The following PDE1C variants were observed in gnomAD, a reference collection of about 807,000 sequenced individuals.
PDE1C encodes the protein phosphodiesterase 1C.
Under a neutral mutation model 93.1 loss-of-function variants are expected in PDE1C, and 62 were observed. That is an observed-to-expected ratio of 0.67 (90% CI 0.54 to 0.82). The LOEUF (loss-of-function observed/expected upper bound fraction) is 0.82, where lower values mean the gene tolerates loss of function less well. PDE1C is among the 40% of genes least tolerant of loss of function. The pLI, the probability that PDE1C is intolerant of heterozygous loss-of-function variation, is 0.00. For synonymous variants in PDE1C, 325 were observed against 310.1 expected (o/e 1.05, Z -0.50); for missense variants, 742 against 884.6 (o/e 0.84, Z 2.04).
chr7:32,010,187 G>T (rs1297583899), intron 2 of PDE1C, among the ~76,000 whole-genome samples: 1 of 152,058 alleles, frequency 6.6e-6, no homozygotes, highest in Non-Finnish European at 1.5e-5. Context: ...GCCTAAAATA[G>T]CCAAATCAAT....
chr7:31,830,159 G>T (rs1320426066), intron 11 of PDE1C, among the ~76,000 whole-genome samples: 1 of 151,318 alleles, frequency 6.6e-6, no homozygotes, highest in African/African-American at 2.4e-5. Context: ...TAAAACAGAG[G>T]TACTTGAATT....
rs563638748 is a variant in PDE1C at position 32,097,953 on chromosome 7, G to A, written c.308+71832C>T. Among the ~76,000 whole-genome samples, 54 of 149,844 alleles carry A rather than the reference G, an allele frequency of 3.6e-4. 1 individual carries two copies. Among genetic ancestry groups the A allele is most frequent in the Admixed American group, 6.6e-4 (10 of 15,222 alleles). ...GCCCTTTAAAGACATAAATCCGGCC[G>A]GGCGCGGTGGCTCACGCCTGTAATC... On this transcript the variant is annotated intron_variant, in intron 3 of 18. Coordinates refer to the PDE1C transcript ENST00000396193.
intron 3 of PDE1C, among the ~76,000 whole-genome samples, chr7:32,103,600 C>T (rs1002030420): frequency 5.3e-5 from 8 of 152,314 alleles, no homozygotes; most frequent in African/African-American, 1.9e-4. Flanking sequence ...CTACAGGAAA[C>T]AGGAAAGCCC....
chr7:31,886,647 T>A (rs888936901), intron 2 of PDE1C, among the ~76,000 whole-genome samples: 10 of 152,000 alleles, frequency 6.6e-5, no homozygotes, highest in Admixed American at 5.9e-4. Context: ...AACAAAGCCC[T>A]CCCCAGTGGA....
chr7:31,899,790 C>T (rs574883347), intron 2 of PDE1C, among the ~76,000 whole-genome samples: 1 of 152,252 alleles, frequency 6.6e-6, no homozygotes, highest in South Asian at 2.1e-4. Flanking sequence ...TTTCTTTAAA[C>T]GGATCCTTGA....
At chr7:31,621,702 C>A in the PDE1C span, among the ~76,000 whole-genome samples, 4 of 144,712 alleles carry the variant, frequency 2.8e-5, no homozygotes, top group African/African-American at 7.8e-5. Context: ...CATCAACTAA[C>A]GAGCAAAATA....
chr7:31,641,251 A>C, the PDE1C span, among the ~76,000 whole-genome samples: 1 of 152,138 alleles, frequency 6.6e-6, no homozygotes, highest in South Asian at 2.1e-4. Context: ...CAAATCCCCT[A>C]TTTATCACTT....
chr7:32,412,622 AC>A (rs1785194446), intron 1 of PDE1C, among the ~76,000 whole-genome samples: 1 of 152,234 alleles, frequency 6.6e-6, no homozygotes, highest in South Asian at 2.1e-4. Flanking sequence ...AGTAATCACC[AC>A]AGCTGTGATG....
At chr7:31,773,671 T>G (rs575039790) in intron 17 of PDE1C, among the ~76,000 whole-genome samples, 1 of 152,232 alleles carries the variant, frequency 6.6e-6, no homozygotes, top group South Asian at 2.1e-4. Context: ...GATGAGCCTT[T>G]TTTTCTGAGG....
intron 3 of PDE1C, among the ~76,000 whole-genome samples, chr7:32,090,184 A>T (rs202016285): frequency 4.6e-5 from 1 of 21,514 alleles, no homozygotes; most frequent in Admixed American, 2.9e-4. Flanking sequence ...TAACATAAAT[A>T]AAAAAATAGT....
At chr7:31,769,598 T>C (rs1191237220) in intron 17 of PDE1C, among the ~76,000 whole-genome samples, 1 of 152,214 alleles carries the variant, frequency 6.6e-6, no homozygotes, top group African/African-American at 2.4e-5. Context: ...TTAAATTTTT[T>C]ATTGAGATAT....
At position 31,880,828 on chromosome 7, in the gene PDE1C, C is replaced by T. The variant is rs1314676862; in HGVS notation, c.161G>A (p.Gly54Glu). The T allele has an allele frequency of 3.7e-6, 6 of 1,611,024 alleles. No homozygotes were observed. Among genetic ancestry groups the T allele is most frequent in the Non-Finnish European group, 5.1e-6 (6 of 1,177,410 alleles). ...LRSLVKQLERGEASVVDLKKN... is the reference protein window; with the variant it reads ...LRSLVKQLEREEASVVDLKKN... ...CTTAAGATCTACCACTGAAGCTTCC[C>T]CTCTCTCTAATTGTTTGACCAAAGA... Residue 54 changes from glycine (G) to glutamate (E), a missense_variant, in exon 3 of 18, where the codon GGG becomes GAG. Gly to Glu is a moderately conservative substitution (Grantham distance 98, BLOSUM62 -2). Coordinates refer to ENST00000396191, the MANE Select transcript of PDE1C (RefSeq NM_001191057.4).
chr7:32,221,839 A>C (rs897171167), intron 1 of PDE1C, among the ~76,000 whole-genome samples: 6 of 152,224 alleles, frequency 3.9e-5, no homozygotes, highest in African/African-American at 1.2e-4. Context: ...TCCAATGCAG[A>C]GGGTGATGGA....
chr7:32,135,432 A>G (rs1413533234), intron 3 of PDE1C, among the ~76,000 whole-genome samples: 1 of 152,174 alleles, frequency 6.6e-6, no homozygotes, highest in East Asian at 1.9e-4. Context: ...CAAAAAAATG[A>G]AACAAACAAA....
At chr7:31,885,466 G>A (rs145095456) in intron 2 of PDE1C, among the ~76,000 whole-genome samples, 264 of 152,264 alleles carry the variant, frequency 1.7e-3, no homozygotes, top group African/African-American at 5.9e-3. Context: ...ATTTCTTGGC[G>A]TAAACTGTTT....
At chr7:32,281,452 G>A (rs1255242045) in intron 1 of PDE1C, among the ~76,000 whole-genome samples, 1 of 152,222 alleles carries the variant, frequency 6.6e-6, no homozygotes. Context: ...AGGTATGGTG[G>A]TTCACACCTG....
chr7:32,390,931 T>A (rs1562703718), intron 1 of PDE1C, among the ~76,000 whole-genome samples: 1 of 152,054 alleles, frequency 6.6e-6, no homozygotes, highest in Non-Finnish European at 1.5e-5. Context: ...TTCAAAATTA[T>A]CTCTTTAATA....
chr7:32,096,855 A>ATAGATAGATAGATAGATAGG (rs1272752554), intron 3 of PDE1C, among the ~76,000 whole-genome samples: 2 of 151,672 alleles, frequency 1.3e-5, no homozygotes, highest in Admixed American at 6.6e-5. Context: ...AGATAGATAG[A>ATAGATAGATAGATAGATAGG]TAGATAGACA....
chr7:31,622,315 C>T, the PDE1C span, among the ~76,000 whole-genome samples: 17 of 151,854 alleles, frequency 1.1e-4, no homozygotes, highest in African/African-American at 4.1e-4. Context: ...TTTTTTTCAG[C>T]ACCACACCAC....
Sources: allele counts gnomAD v4.1 joint callset (sites outside exome capture counted in the v4.1 genomes callset), GRCh38; gene constraint gnomAD v4.1.1; transcripts MANE v1.5; gene names NCBI Gene and HGNC (gene_info 2026-07-23, HGNC 2026-07-21).